NLGN1: variants seen among roughly 807,000 people sequenced by gnomAD.
The protein encoded by NLGN1 is neuroligin-1.
In NLGN1, 12 loss-of-function variants were observed where a neutral mutation model predicts 65.5. The observed-to-expected ratio is 0.18, with a 90% CI of 0.12 to 0.30. NLGN1 has a LOEUF of 0.30. Among genes scored for constraint, NLGN1 ranks in the 10% least tolerant of loss-of-function variants. The pLI is 1.00. For synonymous variants in NLGN1, 350 were observed against 359.5 expected, an observed-to-expected ratio of 0.97 and a Z score of 0.30; for missense variants, 750 against 1,007.1, an observed-to-expected ratio of 0.74 and a Z score of 3.46.
At chr3:173,900,887 C>T (rs954620726) in intron 4 of NLGN1, among the ~76,000 whole-genome samples, 1 of 151,864 alleles carries the variant, frequency 6.6e-6, no homozygotes, top group African/African-American at 2.4e-5. Context: ...ACTGACATGG[C>T]GGGAAAGAAA....
At chr3:173,666,928 A>C (rs1489519353) in intron 3 of NLGN1, among the ~76,000 whole-genome samples, 1 of 152,188 alleles carries the variant, frequency 6.6e-6, no homozygotes, top group South Asian at 2.1e-4. Context: ...AAATGTTAAC[A>C]TTTTATTGTA....
chr3:173,851,123 T>G (rs994861170), intron 4 of NLGN1, among the ~76,000 whole-genome samples: 2 of 152,182 alleles, frequency 1.3e-5, no homozygotes, highest in Non-Finnish European at 2.9e-5. Flanking sequence ...ATCCGATTGA[T>G]CAAGACCACT....
intron 3 of NLGN1, among the ~76,000 whole-genome samples, chr3:173,693,251 T>G (rs1473883979): frequency 6.6e-6 from 1 of 152,114 alleles, no homozygotes; most frequent in East Asian, 1.9e-4. Context: ...CTTCATGTAT[T>G]TCGGAACACC....
chr3:173,447,689 T>C (rs1405352292), intron 2 of NLGN1, among the ~76,000 whole-genome samples: 1 of 152,248 alleles, frequency 6.6e-6, no homozygotes, highest in Non-Finnish European at 1.5e-5. Context: ...TTCCTACCCA[T>C]GAGCATGGAA....
intron 4 of NLGN1, among the ~76,000 whole-genome samples, chr3:173,974,190 G>A (rs1716912135): frequency 6.7e-6 from 1 of 149,774 alleles, no homozygotes; most frequent in Admixed American, 6.7e-5. Context: ...AAACTGTAAA[G>A]TTTTAGAAGG....
At chr3:173,595,576 C>G (rs1463802891) in intron 2 of NLGN1, among the ~76,000 whole-genome samples, 1 of 152,182 alleles carries the variant, frequency 6.6e-6, no homozygotes, top group Non-Finnish European at 1.5e-5. Context: ...GCCTGTTACC[C>G]AGTTCCAAAG....
chr3:174,212,290 C>G (rs1034238914), intron 4 of NLGN1, among the ~76,000 whole-genome samples: 1 of 152,222 alleles, frequency 6.6e-6, no homozygotes, highest in Non-Finnish European at 1.5e-5. Flanking sequence ...AAGCCCACGC[C>G]TACCCGGAAC....
intron 4 of NLGN1, among the ~76,000 whole-genome samples, chr3:173,810,718 T>C (rs1717747997): frequency 6.6e-6 from 1 of 152,176 alleles, no homozygotes; most frequent in East Asian, 1.9e-4. Context: ...AATTTTTCAG[T>C]TTAAAGATCT....
intron 4 of NLGN1, among the ~76,000 whole-genome samples, chr3:174,022,761 G>A (rs549342089): frequency 3.9e-5 from 6 of 152,068 alleles, no homozygotes; most frequent in African/African-American, 1.4e-4. Flanking sequence ...TTTGTCCTTG[G>A]TAGAAAGTTT....
intron 3 of NLGN1, among the ~76,000 whole-genome samples, chr3:173,768,355 G>A (rs1351600017): frequency 6.6e-6 from 1 of 152,112 alleles, no homozygotes; most frequent in Non-Finnish European, 1.5e-5. Flanking sequence ...TGGTACCACA[G>A]GAGCTGAGAG....
At chr3:173,425,152 A>G (rs893535072) in intron 1 of NLGN1, among the ~76,000 whole-genome samples, 2 of 152,168 alleles carry the variant, frequency 1.3e-5, no homozygotes, top group African/African-American at 4.8e-5. Flanking sequence ...AGATCTTGTG[A>G]GAACTCCTTT....
At chr3:173,947,059 A>ATTTT (rs63224363) in intron 4 of NLGN1, among the ~76,000 whole-genome samples, 64 of 134,924 alleles carry the variant, frequency 4.7e-4, no homozygotes, top group African/African-American at 1.7e-3. Context: ...AGTTGTTAGG[A>ATTTT]TTTTTTTTTT....
chr3:173,413,515 G>A (rs1422110597), intron 1 of NLGN1, among the ~76,000 whole-genome samples: 6 of 152,048 alleles, frequency 3.9e-5, no homozygotes, highest in African/African-American at 1.4e-4. Context: ...CAGAAGAATC[G>A]CTTGAACCCA....
At chr3:173,739,879 G>A (rs1774365265) in intron 3 of NLGN1, among the ~76,000 whole-genome samples, 1 of 152,084 alleles carries the variant, frequency 6.6e-6, no homozygotes, top group Admixed American at 6.6e-5. Context: ...TAATTTCTGG[G>A]TGGAATTCTT....
chr3:173,895,690 CT>C (rs201331199), intron 4 of NLGN1, among the ~76,000 whole-genome samples: 1,722 of 148,252 alleles, frequency 0.012, 35 homozygotes, highest in African/African-American at 0.037. Context: ...TCCAAGGACC[CT>C]TTTTTTTTTC....
intron 4 of NLGN1, among the ~76,000 whole-genome samples, chr3:173,874,579 C>T (rs1470674165): frequency 6.6e-6 from 1 of 152,102 alleles, no homozygotes; most frequent in African/African-American, 2.4e-5. Context: ...ACGATTTATC[C>T]TCCTGTGGTT....
At chr3:173,951,052 A>G (rs574011390) in intron 4 of NLGN1, among the ~76,000 whole-genome samples, 2 of 152,052 alleles carry the variant, frequency 1.3e-5, no homozygotes, top group East Asian at 3.9e-4. Context: ...TTTTTAGCAG[A>G]GATGGGGTTT....
intron 4 of NLGN1, among the ~76,000 whole-genome samples, chr3:173,970,335 A>G (rs1560748193): frequency 6.6e-6 from 1 of 152,152 alleles, no homozygotes; most frequent in Non-Finnish European, 1.5e-5. Context: ...AAACAGGACA[A>G]TCGCCTCATT....
chr3:173,996,205 A>T (rs1053840724), intron 4 of NLGN1, among the ~76,000 whole-genome samples: 1 of 152,194 alleles, frequency 6.6e-6, no homozygotes, highest in Middle Eastern at 3.2e-3. Flanking sequence ...CTCAGCATCT[A>T]TAATTTACAT....
Sources: gnomAD v4.1 joint callset for allele counts (sites outside exome capture counted in the v4.1 genomes callset) on GRCh38, gnomAD v4.1.1 for gene constraint, MANE v1.5 for transcripts, NCBI Gene and HGNC (gene_info 2026-07-23, HGNC 2026-07-21) for gene names.